MUC5AC: variants seen among roughly 807,000 people sequenced by gnomAD.
MUC5AC encodes the protein mucin 5AC, oligomeric mucus/gel-forming.
Under a neutral mutation model 169.7 loss-of-function variants are expected in MUC5AC, and 158 were observed. The observed-to-expected ratio is 0.93, with a 90% CI of 0.82 to 1.06. The LOEUF is 1.06. Ranked by LOEUF, MUC5AC falls within the 50% of genes least tolerant of loss-of-function variation. The pLI is 0.00. For synonymous variants in MUC5AC, 1,975 were observed against 1,237.0 expected, an observed-to-expected ratio of 1.60 and a Z score of -12.52; for missense variants, 4,359 against 3,089.9, an observed-to-expected ratio of 1.41 and a Z score of -9.74.
Position 1,164,001 on chromosome 11 carries a change from G to T in MUC5AC, c.789+10G>T. 1 of 1,609,612 alleles carries T rather than the reference G, an allele frequency of 6.2e-7. No homozygotes were observed. The highest frequency in any genetic ancestry group is 1.1e-5 in the South Asian group (1 of 90,660). On this transcript the variant is annotated intron_variant, in intron 7 of 48. Coordinates refer to ENST00000621226, the MANE Select transcript of MUC5AC (RefSeq NM_001304359.2). ...CTGCTCCACTGGCTTTGTAAGCCTT[G>T]GAGGGAACAGAGGGCCCAGCAGGTT...
intron 9 of MUC5AC, 60 bp downstream of exon 9, chr11:1,164,592 C>T: frequency 1.3e-6 from 2 of 1,536,498 alleles, no homozygotes; most frequent in Non-Finnish European, 1.7e-6. Context: ...GGGCTGTGCT[C>T]CCATGGCCAA....
Position 1,184,602 on chromosome 11 carries a change from A to C in MUC5AC, c.6457A>C (p.Ile2153Leu), listed in dbSNP as rs1860886452. ...YNNIIRSGEKICRRPEEITRL... is the reference protein window; with the variant it reads ...YNNIIRSGEKLCRRPEEITRL... The stretch of plus-strand genomic sequence containing the variant: ...CAACATCATCAGGAGTGGGGAAAAA[A>C]TCTGCCGCCGACCTGAGGAGATCAC... The change falls in exon 31 of 49, where the codon ATC (isoleucine) becomes CTC (leucine). Residue 2153 changes from isoleucine (I) to leucine (L), a missense_variant. Coordinates refer to ENST00000621226, the MANE Select transcript of MUC5AC (RefSeq NM_001304359.2). The C allele has an allele frequency of 1.6e-6, 1 of 620,168 alleles. No individual in the cohort carries two copies. The highest frequency in any genetic ancestry group is 1.9e-5 in the South Asian group (1 of 52,944). 38.4% of individuals were successfully genotyped at this position (620,168 alleles called of 1,614,324 possible).
At chr11:1,160,557 C>T in intron 1 of MUC5AC, 55 bp from the exon 2 acceptor site, 1 of 1,501,194 alleles carries the variant, frequency 6.7e-7, no homozygotes, top group South Asian at 1.2e-5. Flanking sequence ...TGGCCGCAGC[C>T]TGAGCCCCCT....
At chr11:1,171,181 ACACT>A (rs1369573436) in intron 15 of MUC5AC, among the ~76,000 whole-genome samples, 6 of 95,346 alleles carry the variant, frequency 6.3e-5, no homozygotes, top group Admixed American at 1.1e-4. Context: ...ACCCATTCAC[ACACT>A]CACTCACTTA....
At position 1,194,306 on chromosome 11, in the gene MUC5AC, C is replaced by A. The variant is rs1474234863; in HGVS notation, c.14952C>A (p.His4984Gln). Residue 4984 changes from histidine (H) to glutamine (Q), a missense_variant, in exon 34 of 49, where the codon CAC becomes CAA. By Grantham distance (24) the His-to-Gln change is conservative. Transcript: ENST00000621226. ...SCPRSIILEY[H>Q]QDRVVLTRKP... The stretch of plus-strand genomic sequence containing the variant: ...CGAGGTCCATCATCCTGGAGTACCA[C>A]CAGGACCGCGTGGTGCTGACCCGCA... The A allele has an allele frequency of 5.3e-6, 4 of 748,900 alleles. No individual in the cohort carries two copies. Among genetic ancestry groups the A allele is most frequent in the Non-Finnish European group, 9.7e-6 (4 of 411,308 alleles). The allele number at this position is 748,900 out of a possible 1,614,324, so 46.4% of individuals were successfully genotyped here. A position where few individuals can be genotyped will look rare whatever the true frequency, so the allele number is the denominator to read the frequency against.
chr11:1,165,906 C>G, intron 11 of MUC5AC, 146 bp downstream of exon 11: 1 of 1,152,914 alleles, frequency 8.7e-7, no homozygotes, highest in Non-Finnish European at 1.2e-6. Context: ...AGGAAGCACT[C>G]CAGCTCCCCA....
chr11:1,194,432 C>G (rs1861205376), intron 34 of MUC5AC, 55 bp from the exon 35 acceptor site: 3 of 713,318 alleles, frequency 4.2e-6, no homozygotes, highest in South Asian at 1.4e-5. Context: ...TGAGCAGCGG[C>G]TGACCGCCCG....
At chr11:1,161,469 C>G in intron 2 of MUC5AC, 58 bp from the exon 3 acceptor site, 1 of 1,406,752 alleles carries the variant, frequency 7.1e-7, no homozygotes, top group South Asian at 1.4e-5. Context: ...CCTCTGGCTG[C>G]GGAGCCCCCG....
Position 1,185,505 on chromosome 11 carries a change from C to A in MUC5AC, c.7360C>A (p.Pro2454Thr). ...TTCTGGTCCTGGAACTACCCCAAGC[C>A]CTGTTCCCACGACCAGCACAACCTC... Reference protein sequence around the residue: ...TTSGPGTTPSPVPTTSTTSAP... With the variant: ...TTSGPGTTPSTVPTTSTTSAP... Residue 2454 changes from proline to threonine, a missense_variant, in exon 31 of 49, where the codon CCT (proline) becomes ACT (threonine). Pro to Thr is a conservative substitution (Grantham distance 38). Coordinates refer to ENST00000621226, the MANE Select transcript of MUC5AC (RefSeq NM_001304359.2). 1.4e-6 allele frequency: 1 copy of A among 724,938 alleles called. No homozygotes were observed. The highest frequency in any genetic ancestry group is 2.3e-4 in the Middle Eastern group (1 of 4,362). 44.9% of individuals were successfully genotyped at this position (724,938 alleles called of 1,614,324 possible).
At chr11:1,165,243 G>A in intron 9 of MUC5AC, 59 bp from the exon 10 acceptor site, 1 of 1,500,156 alleles carries the variant, frequency 6.7e-7, no homozygotes. Context: ...TTGTTCCCCT[G>A]CAACGCCCAC....
chr11:1,171,646 C>CACCT (rs1860544675), intron 15 of MUC5AC, among the ~76,000 whole-genome samples: 1 of 146,662 alleles, frequency 6.8e-6, no homozygotes, highest in African/African-American at 2.5e-5. Flanking sequence ...CTCACCCACT[C>CACCT]ACTCACTCAC....
Position 1,165,672 on chromosome 11 carries a change from C to G in MUC5AC, c.1298C>G (p.Thr433Ser), listed in dbSNP as rs968875187. The change falls in exon 11 of 49, where the codon ACC (threonine) becomes AGC (serine). Residue 433 changes from threonine (T) to serine (S), a missense_variant. Thr to Ser is a moderately conservative substitution (Grantham distance 58). Coordinates refer to ENST00000621226, the MANE Select transcript of MUC5AC (RefSeq NM_001304359.2). Reference protein sequence around the residue: ...WSCQEVPCPGTCSVLGGAHFS... With the variant: ...WSCQEVPCPGSCSVLGGAHFS... ...TGCCAGGAGGTTCCATGCCCGGGTA[C>G]CTGCTCTGTGCTTGGAGGTGCCCAC... is the stretch of plus-strand genomic sequence containing the variant. 1.9e-6 allele frequency: 3 copies of G among 1,612,394 alleles called. No individual in the cohort carries two copies. Among genetic ancestry groups the G allele is most frequent in the Non-Finnish European group, 2.5e-6 (3 of 1,179,780 alleles).
At chr11:1,171,278 TCACTCACC>T (rs1860517054) in intron 15 of MUC5AC, among the ~76,000 whole-genome samples, 4 of 105,836 alleles carry the variant, frequency 3.8e-5, no homozygotes, top group Non-Finnish European at 5.8e-5. Context: ...ACTCACCCAC[TCACTCACC>T]CATTCACCCA....
chr11:1,170,516 T>C (rs1432485872), intron 15 of MUC5AC, among the ~76,000 whole-genome samples: 5 of 42,458 alleles, frequency 1.2e-4, no homozygotes, highest in Admixed American at 2.5e-4. Flanking sequence ...GACTCAACCA[T>C]TCACTCACCC....
Position 1,188,114 on chromosome 11 carries a change from T to C in MUC5AC, c.9969T>C (p.Pro3323=), listed in dbSNP as rs1554928485. ...TGCGTGTGCTCTGCTGCGAGACCCC[T>C]AAAGGTTGCCCCGTGACCTCCACAC... is the stretch of plus-strand genomic sequence containing the variant. ...YEVRVLCCET[P]KGCPVTSTPV... Residue 3323 remains proline (P), a synonymous_variant, in exon 31 of 49, where the codon CCT becomes CCC. Transcript: ENST00000621226. 109,935 of 728,130 alleles carry C rather than the reference T, an allele frequency of 0.15. 10,399 individuals carry two copies. The highest frequency in any genetic ancestry group is 0.19 in the Non-Finnish European group (74,269 of 396,598). The allele number at this position is 728,130 out of a possible 1,614,324, so 45.1% of individuals were successfully genotyped here.
In MUC5AC at chr11:1,200,753, T is replaced by C. The variant is rs1489933360; in HGVS notation, c.*51T>C. On this transcript the variant is annotated 3_prime_UTR_variant, in exon 49 of 49. Transcript: ENST00000621226. ...CAAGGAGAACCTCCCATATGTCCTC[T>C]GAGCTCGGCTTCCAAGGCCAGTGGA... 1.0e-5 allele frequency: 7 copies of C among 673,466 alleles called. No individual in the cohort carries two copies. Among genetic ancestry groups the C allele is most frequent in the African/African-American group, 1.8e-5 (1 of 56,570 alleles). 41.7% of individuals were successfully genotyped at this position (673,466 alleles called of 1,614,324 possible).
At position 1,164,303 on chromosome 11, in the gene MUC5AC, G is replaced by C; in HGVS notation, c.987G>C (p.Arg329=). ...THAGGLPQDW[R]GPDFCPQKCP... ...CAGGGGGGTTGCCCCAGGACTGGCG[G>C]GGCCCTGACTTCTGCCGTGAGTGTC... The change falls in exon 8 of 49, where the codon CGG becomes CGC. Residue 329 remains arginine (R), a synonymous_variant. Transcript: ENST00000621226. 1 of 1,612,230 alleles carries C rather than the reference G, an allele frequency of 6.2e-7. No individual in the cohort carries two copies. The highest frequency in any genetic ancestry group is 8.5e-7 in the Non-Finnish European group (1 of 1,179,848).
At chr11:1,165,551 C>CCTCCTGA in intron 10 of MUC5AC, 71 bp from the exon 11 acceptor site, 1 of 1,598,152 alleles carries the variant, frequency 6.3e-7, no homozygotes, top group African/African-American at 1.3e-5. Flanking sequence ...ACCCGGTCAG[C>CCTCCTGA]CTCCTGACGC....
At position 1,158,091 on chromosome 11, in the gene MUC5AC, C is replaced by T. The variant is rs1329823695; in HGVS notation, c.73+19C>T. On this transcript the variant is annotated intron_variant, in intron 1 of 48. Coordinates refer to ENST00000621226, the MANE Select transcript of MUC5AC (RefSeq NM_001304359.2). ...CATACAGGTACGGCTTGGCCCCTGG[C>T]CGCTCTACTGGTCCTGGGTGGTGCG... is the stretch of plus-strand genomic sequence containing the variant. The T allele has an allele frequency of 1.3e-6, 2 of 1,584,726 alleles. No homozygotes were observed. The highest frequency in any genetic ancestry group is 1.7e-6 in the Non-Finnish European group (2 of 1,168,040).
Sources: gnomAD v4.1 joint callset for allele counts (sites outside exome capture counted in the v4.1 genomes callset) on GRCh38, gnomAD v4.1.1 for gene constraint, MANE v1.5 for transcripts, NCBI Gene and HGNC (gene_info 2026-07-23, HGNC 2026-07-21) for gene names.